GABRB3: variants seen among roughly 807,000 people sequenced by gnomAD.
GABRB3 encodes the protein gamma-aminobutyric acid receptor subunit beta-3.
In GABRB3, 14 loss-of-function variants were observed where a neutral mutation model predicts 52.1. That is an observed-to-expected ratio of 0.27 (90% CI 0.18 to 0.42). The LOEUF (loss-of-function observed/expected upper bound fraction) is 0.42. Among genes scored for constraint, GABRB3 ranks in the 10% least tolerant of loss-of-function variants. GABRB3 has a pLI of 1.00. For synonymous variants in GABRB3, 260 were observed against 232.3 expected (o/e 1.12, Z -1.08); for missense variants, 307 against 609.1 (o/e 0.50, Z 5.22).
intron 3 of GABRB3, among the ~76,000 whole-genome samples, chr15:26,717,270 A>T (rs1239859400): frequency 6.8e-6 from 1 of 146,670 alleles, no homozygotes; most frequent in African/African-American, 2.6e-5. Context: ...AGCTCTGGGG[A>T]TATCCACCCG....
chr15:26,655,728 C>A (rs978765838), intron 3 of GABRB3, among the ~76,000 whole-genome samples: 1 of 146,234 alleles, frequency 6.8e-6, no homozygotes, highest in East Asian at 2.0e-4. Context: ...GGTGACACAG[C>A]GAGACTCTGT....
At chr15:26,625,367 G>T in intron 3 of GABRB3, 1 of 545,226 alleles carries the variant, frequency 1.8e-6, no homozygotes, top group Non-Finnish European at 2.3e-6. Flanking sequence ...ATAGAAAGAA[G>T]CTTTGTAAAA....
rs933088174 is a variant in GABRB3 at position 26,764,380 on chromosome 15, G to C, written c.240+8022C>G. 2.0e-5 allele frequency among the ~76,000 whole-genome samples: 3 copies of C among 151,566 alleles called. No homozygotes were observed. In the South Asian group the frequency reaches 6.3e-4, roughly 32 times the overall value. ...CAAATTAGGACACTTAAAGAACTGT[G>C]ATGTTCTCAGATCTTAATCTTATTC... On this transcript the variant is annotated intron_variant, in intron 3 of 8. Coordinates refer to ENST00000311550, the MANE Select transcript of GABRB3 (RefSeq NM_000814.6).
intron 3 of GABRB3, among the ~76,000 whole-genome samples, chr15:26,655,538 C>A (rs1220930655): frequency 6.6e-6 from 1 of 152,022 alleles, no homozygotes; most frequent in African/African-American, 2.4e-5. Context: ...GTCAGGAGAT[C>A]GAGACCATCC....
rs935908075 is a variant in GABRB3, at chr15:26,597,894, A to AG, written c.462-14481dup. Among the ~76,000 whole-genome samples the AG allele has an allele frequency of 2.2e-4, 33 of 152,340 alleles. No homozygotes were observed. In the East Asian group the frequency reaches 6.2e-3, roughly 28 times the overall value. On this transcript the variant is annotated intron_variant, in intron 4 of 8. Transcript: ENST00000311550. ...TCATATGTAATTTATCATACTGGGTAGGGGTAGGGAAAAGAGAAAGTAGAA... is the reference window on the plus strand; with the variant it reads ...TCATATGTAATTTATCATACTGGGTAGGGGGTAGGGAAAAGAGAAAGTAGAA...
chr15:26,548,994 T>A (rs1048289645), intron 8 of GABRB3, among the ~76,000 whole-genome samples: 40 of 152,268 alleles, frequency 2.6e-4, no homozygotes, highest in African/African-American at 7.0e-4. Flanking sequence ...CACAGTCCCC[T>A]GGGCTTTCAC....
intron 6 of GABRB3, among the ~76,000 whole-genome samples, chr15:26,572,716 A>G (rs1890451856): frequency 6.6e-6 from 1 of 152,226 alleles, no homozygotes; most frequent in South Asian, 2.1e-4. Context: ...CATCCCTTTT[A>G]AAATGAAACA....
chr15:26,680,382 G>C lies in GABRB3; in HGVS notation c.241-58848C>G, dbSNP rs142651264. Among the ~76,000 whole-genome samples the C allele has an allele frequency of 3.7e-4, 56 of 152,270 alleles. 1 individual carries two copies. In the East Asian group the frequency reaches 0.011, roughly 29 times the overall value. ...TCTTGCTCCCTTCCTAACACTGCAA[G>C]TGAAATGAATCCCCACCTTGGAAGA... On this transcript the variant is annotated intron_variant, in intron 3 of 8. Transcript: ENST00000311550.
In GABRB3 at chr15:26,689,731, C is replaced by T. The variant is rs1410398017; in HGVS notation, c.241-68197G>A. 5.3e-5 allele frequency among the ~76,000 whole-genome samples: 8 copies of T among 152,112 alleles called. No individual in the cohort carries two copies. In the East Asian group the frequency reaches 7.8e-4, roughly 15 times the overall value. On this transcript the variant is annotated intron_variant, in intron 3 of 8. Transcript: ENST00000311550. The stretch of plus-strand genomic sequence containing the variant: ...TCCCCAAGCAGGAAGGAATGCTGGC[C>T]GGTTGTTCTGCTGAAATTACAAGGG...
intron 3 of GABRB3, among the ~76,000 whole-genome samples, chr15:26,729,070 A>C (rs56971758): frequency 6.6e-6 from 1 of 152,084 alleles, no homozygotes; most frequent in Non-Finnish European, 1.5e-5. Flanking sequence ...CACCTGTTTT[A>C]AAAATATATT....
intron 3 of GABRB3, among the ~76,000 whole-genome samples, chr15:26,747,544 G>A (rs28656315): frequency 0.13 from 20,278 of 152,140 alleles, 1,975 homozygotes; most frequent in East Asian, 0.29. Flanking sequence ...GCATATAGAT[G>A]TGATTGATTT....
intron 8 of GABRB3, among the ~76,000 whole-genome samples, chr15:26,553,934 G>A (rs2140659199): frequency 6.9e-6 from 1 of 145,498 alleles, no homozygotes; most frequent in Non-Finnish European, 1.5e-5. Context: ...GAGTCCAGTG[G>A]CGTGACCATA....
intron 3 of GABRB3, among the ~76,000 whole-genome samples, chr15:26,647,794 G>A (rs752256402): frequency 1.3e-5 from 2 of 151,608 alleles, no homozygotes; most frequent in East Asian, 3.9e-4. Flanking sequence ...CAGGATCCCA[G>A]AGCGGGGCTG....
At chr15:26,588,094 G>A (rs1225216377) in intron 4 of GABRB3, among the ~76,000 whole-genome samples, 1 of 152,148 alleles carries the variant, frequency 6.6e-6, no homozygotes, top group East Asian at 1.9e-4. Context: ...AGAAGCAGAG[G>A]AAGATAATGG....
At chr15:26,668,537 G>GTT (rs56759654) in intron 3 of GABRB3, among the ~76,000 whole-genome samples, 2,262 of 151,792 alleles carry the variant, frequency 0.015, 27 homozygotes, top group Middle Eastern at 0.034. Context: ...TCATTTATGT[G>GTT]TTTTTTTCTG....
chr15:26,735,899 G>A (rs1040828220), intron 3 of GABRB3, among the ~76,000 whole-genome samples: 2 of 150,876 alleles, frequency 1.3e-5, no homozygotes, highest in African/African-American at 4.9e-5. Context: ...AGGCTGCAGT[G>A]AGCTATGACC....
intron 3 of GABRB3, among the ~76,000 whole-genome samples, chr15:26,735,532 G>A (rs909215212): frequency 1.1e-4 from 17 of 152,206 alleles, no homozygotes; most frequent in Admixed American, 3.9e-4. Flanking sequence ...TCCATCCACA[G>A]ATGAGTGGAT....
intron 3 of GABRB3, among the ~76,000 whole-genome samples, chr15:26,752,987 T>C (rs1890557950): frequency 6.6e-6 from 1 of 152,162 alleles, no homozygotes; most frequent in Non-Finnish European, 1.5e-5. Context: ...GTGTCTATTG[T>C]TCTTCTATTG....
chr15:26,758,240 G>C (rs914180039), intron 3 of GABRB3, among the ~76,000 whole-genome samples: 2 of 152,178 alleles, frequency 1.3e-5, no homozygotes, highest in African/African-American at 4.8e-5. Flanking sequence ...AGCAGGTTCT[G>C]ATTTTTCTGT....
Sources: gnomAD v4.1 joint callset for allele counts (sites outside exome capture counted in the v4.1 genomes callset) on GRCh38, gnomAD v4.1.1 for gene constraint, MANE v1.5 for transcripts, NCBI Gene and HGNC (gene_info 2026-07-23, HGNC 2026-07-21) for gene names.